SLC38A10: variants seen among roughly 807,000 people sequenced by gnomAD.
The protein encoded by SLC38A10 is solute carrier family 38 member 10.
A neutral mutation model predicts 81.0 loss-of-function variants in SLC38A10; 53 were observed. The ratio of observed to expected loss-of-function variants is 0.65; its 90% CI spans 0.53 to 0.82. The LOEUF (loss-of-function observed/expected upper bound fraction) is 0.82. SLC38A10 is among the 40% of genes least tolerant of loss of function. The pLI is 0.00. For missense variants in SLC38A10, 1,471 were observed against 1,545.0 expected (o/e 0.95, Z 0.80); for synonymous variants, 665 against 655.3 (o/e 1.01, Z -0.23).
rs1201130329 is a variant in SLC38A10 at position 81,288,207 on chromosome 17, G to A, written c.217+1484C>T. Among the ~76,000 whole-genome samples, 1 of 152,220 alleles carries A rather than the reference G, an allele frequency of 6.6e-6. No homozygotes were observed. Reference sequence around the variant, plus strand: ...GACTGGGAGGAAGTGGAGGCTGGGAGGCCAGGACCCACGTGTGGACCGTGC... The same window carrying A: ...GACTGGGAGGAAGTGGAGGCTGGGAAGCCAGGACCCACGTGTGGACCGTGC... On this transcript the variant is annotated intron_variant, in intron 2 of 15. Coordinates refer to ENST00000374759, the MANE Select transcript of SLC38A10 (RefSeq NM_001037984.3). The surrounding 1 kb of genome is among the most constrained non-coding windows in gnomAD (Gnocchi z 5.4).
intron 1 of SLC38A10, among the ~76,000 whole-genome samples, chr17:81,292,134 TTTTG>T (rs1459913822): frequency 2.0e-5 from 3 of 151,988 alleles, no homozygotes; most frequent in African/African-American, 7.3e-5. Context: ...AGATATATAT[TTTTG>T]TTTGTTTGAG....
chr17:81,284,313 T>C lies in SLC38A10; in HGVS notation c.263+537A>G, dbSNP rs558207205. 4.7e-4 allele frequency among the ~76,000 whole-genome samples: 71 copies of C among 152,166 alleles called. 1 individual carries two copies. Among genetic ancestry groups the C allele is most frequent in the Non-Finnish European group, 7.9e-4 (54 of 67,984 alleles). ...GTTGCAGTGAGCCGAGATCACAGCA[T>C]TGCACTCCAGCCTGGGTGACAGAGC... On this transcript the variant is annotated intron_variant, in intron 3 of 15. Coordinates refer to ENST00000374759, the MANE Select transcript of SLC38A10 (RefSeq NM_001037984.3).
Position 81,289,327 on chromosome 17 carries a change from C to T in SLC38A10, c.217+364G>A, listed in dbSNP as rs556190679. Among the ~76,000 whole-genome samples the T allele has an allele frequency of 1.3e-5, 2 of 152,154 alleles. No homozygotes were observed. The highest frequency in any genetic ancestry group is 2.1e-4 in the South Asian group (1 of 4,812). On this transcript the variant is annotated intron_variant, in intron 2 of 15. Coordinates refer to ENST00000374759, the MANE Select transcript of SLC38A10 (RefSeq NM_001037984.3). The surrounding 1 kb of genome is among the most constrained non-coding windows in gnomAD (Gnocchi z 5.9). ...AAAGTGCTGGGATTACAGGCACGAG[C>T]CACCACGCCCGGCAGGTTTTTTTTT... is the stretch of plus-strand genomic sequence containing the variant.
intron 11 of SLC38A10, among the ~76,000 whole-genome samples, chr17:81,258,955 A>T (rs1025490452): frequency 1.3e-5 from 2 of 152,190 alleles, no homozygotes; most frequent in Admixed American, 1.3e-4. Flanking sequence ...CACCTTCGCC[A>T]TCCGGGAACA....
At chr17:81,250,829 G>T in intron 14 of SLC38A10, 1 of 1,011,248 alleles carries the variant, frequency 9.9e-7, no homozygotes, top group Non-Finnish European at 1.2e-6. Flanking sequence ...CACAAGGAGG[G>T]GTCGCAAAAA....
intron 14 of SLC38A10, 68 bp downstream of exon 14, chr17:81,251,425 C>G: frequency 6.2e-7 from 1 of 1,609,666 alleles, no homozygotes; most frequent in Non-Finnish European, 8.5e-7. Flanking sequence ...GGGCATCACC[C>G]CAGGGCTGGG....
chr17:81,248,005 T>C (rs2062869866), intron 14 of SLC38A10, among the ~76,000 whole-genome samples: 1 of 127,186 alleles, frequency 7.9e-6, no homozygotes, highest in African/African-American at 2.9e-5. Flanking sequence ...TCACCCAGGC[T>C]GGAGTGCAGT....
At position 81,286,393 on chromosome 17, in the gene SLC38A10, C is replaced by T. The variant is rs1354600676; in HGVS notation, c.218-1498G>A. ...CCAGGACAACGTCCTGAGAGCCCAC[C>T]ACGCTGAGACACGGCCCCACGCGCC... On this transcript the variant is annotated intron_variant, in intron 2 of 15. Coordinates refer to ENST00000374759, the MANE Select transcript of SLC38A10 (RefSeq NM_001037984.3). The surrounding 1 kb of genome is among the most constrained non-coding windows in gnomAD (Gnocchi z 6.0). Among the ~76,000 whole-genome samples the T allele has an allele frequency of 1.3e-5, 2 of 152,260 alleles. No individual in the cohort carries two copies. Among genetic ancestry groups the T allele is most frequent in the East Asian group, 3.9e-4 (2 of 5,174 alleles).
chr17:81,245,365 G>A lies in SLC38A10; in HGVS notation c.*191C>T, dbSNP rs981871172. The A allele has an allele frequency of 2.9e-6, 2 of 694,016 alleles. No homozygotes were observed. The highest frequency in any genetic ancestry group is 1.8e-5 in the African/African-American group (1 of 54,310). The allele number at this position is 694,016 out of a possible 1,614,324, so 43.0% of individuals were successfully genotyped here. ...GACTAAGAGCTGCAACAGAACGACAGCAAGAACATTCTGGAAACGATGCCA... is the reference window on the plus strand; with the variant it reads ...GACTAAGAGCTGCAACAGAACGACAACAAGAACATTCTGGAAACGATGCCA... On this transcript the variant is annotated 3_prime_UTR_variant, in exon 16 of 16. Coordinates refer to ENST00000374759, the MANE Select transcript of SLC38A10 (RefSeq NM_001037984.3).
In SLC38A10 at chr17:81,295,105, G is replaced by A; in HGVS notation, c.-184C>T. ...GGGCGCGGGCCCCAGAGGCTGCCTG[G>A]AGGAGGCAGCCTCGAAGGCCGGCTG... is the stretch of plus-strand genomic sequence containing the variant. On this transcript the variant is annotated 5_prime_UTR_variant, in exon 1 of 16. Transcript: ENST00000374759. 8.9e-7 allele frequency: 1 copy of A among 1,120,264 alleles called. No individual in the cohort carries two copies. Among genetic ancestry groups the A allele is most frequent in the South Asian group, 2.6e-5 (1 of 37,956 alleles). 69.4% of individuals were successfully genotyped at this position (1,120,264 alleles called of 1,614,324 possible).
At chr17:81,258,299 T>C (rs1273073839) in intron 11 of SLC38A10, among the ~76,000 whole-genome samples, 1 of 151,968 alleles carries the variant, frequency 6.6e-6, no homozygotes, top group Non-Finnish European at 1.5e-5. Context: ...CGGCAGCCCA[T>C]CTATCACGGG....
At chr17:81,278,012 A>G (rs1441271758) in intron 6 of SLC38A10, among the ~76,000 whole-genome samples, 1 of 148,660 alleles carries the variant, frequency 6.7e-6, no homozygotes, top group Non-Finnish European at 1.5e-5. Flanking sequence ...GCTCAAGGGC[A>G]CAAAGGAAGC....
rs2062935911 is a variant in SLC38A10 at position 81,253,159 on chromosome 17, G to C, written c.1370C>G (p.Ala457Gly). ...CACATCCACGGGCCCCTTGATCTGG[G>C]CCTGCTCCAGCTCCTCTCTCTCCTT... Reference protein sequence around the residue: ...LPKEREELEQAQIKGPVDVPG... With the variant: ...LPKEREELEQGQIKGPVDVPG... The change falls in exon 12 of 16, where the codon GCC becomes GGC. Residue 457 changes from alanine (A) to glycine (G), a missense_variant. Around this residue, in one of 2 missense-constraint regions of SLC38A10, gnomAD observed 720 missense variants for 827.7 expected, o/e 0.87. Coordinates refer to ENST00000374759, the MANE Select transcript of SLC38A10 (RefSeq NM_001037984.3). This position sits in a 1 kb window ranked among gnomAD's most constrained non-coding sequence, Gnocchi z 4.1. 1 of 1,613,720 alleles carries C rather than the reference G, an allele frequency of 6.2e-7. No homozygotes were observed. Among genetic ancestry groups the C allele is most frequent in the African/African-American group, 1.3e-5 (1 of 74,874 alleles).
rs2063059448 is a variant in SLC38A10, at chr17:81,265,201, G to A, written c.1132-4807C>T. On this transcript the variant is annotated intron_variant, in intron 10 of 15. Coordinates refer to ENST00000374759, the MANE Select transcript of SLC38A10 (RefSeq NM_001037984.3). This position sits in a 1 kb window ranked among gnomAD's most constrained non-coding sequence, Gnocchi z 4.2. Reference sequence around the variant, plus strand: ...TGTTCAAGACCAGCCTGGCCAACATGGTGAAACCGTGTCTCTACCAAAAAT... The same window carrying A: ...TGTTCAAGACCAGCCTGGCCAACATAGTGAAACCGTGTCTCTACCAAAAAT... 1 of 152,244 alleles carries A rather than the reference G, an allele frequency of 6.6e-6. No homozygotes were observed. Among genetic ancestry groups the A allele is most frequent in the Non-Finnish European group, 1.5e-5 (1 of 68,090 alleles). The allele number at this position is 152,244 out of a possible 1,614,324, so 9.4% of individuals were successfully genotyped here. A position where few individuals can be genotyped will look rare whatever the true frequency, so the allele number is the denominator to read the frequency against.
Position 81,245,916 on chromosome 17 carries a change from C to A in SLC38A10, c.3000G>T (p.Gln1000His), listed in dbSNP as rs1358711194. The A allele has an allele frequency of 1.9e-6, 3 of 1,611,620 alleles. No homozygotes were observed. The highest frequency in any genetic ancestry group is 2.5e-6 in the Non-Finnish European group (3 of 1,179,264). Residue 1000 changes from glutamine (Q) to histidine (H), a missense_variant, in exon 16 of 16, where the codon CAG (glutamine) becomes CAT (histidine). Gln to His is a conservative substitution (Grantham distance 24). Coordinates refer to ENST00000374759, the MANE Select transcript of SLC38A10 (RefSeq NM_001037984.3). ...GGDHVPVSHE[Q>H]PRGGEDAAVQ... is the part of the protein sequence containing the mutation. ...CAGCAGCGTCCTCCCCGCCTCTCGGCTGCTCGTGGGACACAGGCACATGGT... is the reference window on the plus strand; with the variant it reads ...CAGCAGCGTCCTCCCCGCCTCTCGGATGCTCGTGGGACACAGGCACATGGT...
Position 81,283,527 on chromosome 17 carries a change from A to G in SLC38A10, c.264-25T>C. The G allele has an allele frequency of 1.3e-6, 2 of 1,589,374 alleles. No individual in the cohort carries two copies. Among genetic ancestry groups the G allele is most frequent in the Non-Finnish European group, 1.7e-6 (2 of 1,165,982 alleles). On this transcript the variant is annotated intron_variant, in intron 3 of 15. Coordinates refer to ENST00000374759, the MANE Select transcript of SLC38A10 (RefSeq NM_001037984.3). This position sits in a 1 kb window ranked among gnomAD's most constrained non-coding sequence, Gnocchi z 4.7. ...GCTGCACAGGGACGGGGGGTACGGG[A>G]AATGCCATCAGGGCAAGCTGGCACA...
Position 81,286,333 on chromosome 17 carries a change from G to A in SLC38A10, c.218-1438C>T, listed in dbSNP as rs548734177. Among the ~76,000 whole-genome samples, 2 of 152,368 alleles carry A rather than the reference G, an allele frequency of 1.3e-5. No homozygotes were observed. The highest frequency in any genetic ancestry group is 2.4e-5 in the African/African-American group (1 of 41,592). ...CACTGGCAAGGGAAAATGGGAGGCT[G>A]TCTAGGAAATCAGGGCAGCACTCTC... is the stretch of plus-strand genomic sequence containing the variant. On this transcript the variant is annotated intron_variant, in intron 2 of 15. Coordinates refer to ENST00000374759, the MANE Select transcript of SLC38A10 (RefSeq NM_001037984.3). This position sits in a 1 kb window ranked among gnomAD's most constrained non-coding sequence, Gnocchi z 6.0.
chr17:81,269,924 A>G (rs1379980269), intron 10 of SLC38A10, among the ~76,000 whole-genome samples: 1 of 152,202 alleles, frequency 6.6e-6, no homozygotes, highest in Non-Finnish European at 1.5e-5. Context: ...AGACTGCGCC[A>G]CTGCACCCCA....
chr17:81,269,387 C>A (rs1336592533), intron 10 of SLC38A10, among the ~76,000 whole-genome samples: 1 of 152,122 alleles, frequency 6.6e-6, no homozygotes, highest in Non-Finnish European at 1.5e-5. Flanking sequence ...GTGGCACACA[C>A]CTGGAATCCC....
Sources: allele counts gnomAD v4.1 joint callset (sites outside exome capture counted in the v4.1 genomes callset), GRCh38; gene constraint gnomAD v4.1.1; regional missense constraint gnomAD v4.1.1; non-coding constraint Gnocchi (gnomAD v3.1); transcripts MANE v1.5; gene names NCBI Gene and HGNC (gene_info 2026-07-23, HGNC 2026-07-21).